ARMC8: variants seen among roughly 807,000 people sequenced by gnomAD.
ARMC8 encodes the protein armadillo repeat-containing protein 8.
In ARMC8, 20 loss-of-function variants were observed where a neutral mutation model predicts 99.3. The observed-to-expected ratio is 0.20, with a 90% confidence interval of 0.14 to 0.29. ARMC8 has a LOEUF of 0.29. ARMC8 is among the 10% of genes least tolerant of loss of function. ARMC8 has a pLI of 1.00. For synonymous variants in ARMC8, 263 were observed against 278.3 expected (o/e 0.95, Z 0.55); for missense variants, 569 against 809.5 (o/e 0.70, Z 3.60).
At chr3:138,292,164 G>A (rs1227770185) in intron 21 of ARMC8, among the ~76,000 whole-genome samples, 3 of 151,970 alleles carry the variant, frequency 2.0e-5, no homozygotes, top group Non-Finnish European at 4.4e-5. Flanking sequence ...CAGCCTCCCA[G>A]GTAGCTGGGA....
At chr3:138,191,601 C>A (rs145883241) in intron 1 of ARMC8, among the ~76,000 whole-genome samples, 1 of 152,096 alleles carries the variant, frequency 6.6e-6, no homozygotes, top group Non-Finnish European at 1.5e-5. Context: ...AGAACTATTC[C>A]GTCACCGCAA....
At chr3:138,268,763 G>C (rs1469865312) in intron 15 of ARMC8, among the ~76,000 whole-genome samples, 2 of 151,858 alleles carry the variant, frequency 1.3e-5, no homozygotes, top group Middle Eastern at 3.2e-3. Flanking sequence ...GCTTCAGAGC[G>C]AGACCCTGTC....
intron 6 of ARMC8, among the ~76,000 whole-genome samples, chr3:138,233,476 G>A (rs1264773955): frequency 6.6e-6 from 1 of 151,996 alleles, no homozygotes; most frequent in African/African-American, 2.4e-5. Context: ...TATACAATGG[G>A]GGTTTGTATG....
intron 12 of ARMC8, chr3:138,262,622 C>T (rs954406315): frequency 1.3e-6 from 2 of 1,547,960 alleles, no homozygotes; most frequent in African/African-American, 1.4e-5. Flanking sequence ...AATTTAGGTG[C>T]CTAGCCCTGA....
At chr3:138,187,792 C>T in intron 1 of ARMC8, 193 bp downstream of exon 1, 4 of 596,748 alleles carry the variant, frequency 6.7e-6, no homozygotes, top group Non-Finnish European at 1.1e-5. Flanking sequence ...GAGCCAAAGA[C>T]GTTTCCAACT....
Position 138,187,549 on chromosome 3 carries a change from C to T in ARMC8, c.-6C>T. 2 of 1,535,880 alleles carry T rather than the reference C, an allele frequency of 1.3e-6. No homozygotes were observed. The highest frequency in any genetic ancestry group is 4.9e-5 in the East Asian group (2 of 40,894). Reference sequence around the variant, plus strand: ...CGCCTGCAGCAGCCGGGTGGGAAGGCTCAAGATGGCGTGCTTGTTGGAGAC... The same window carrying T: ...CGCCTGCAGCAGCCGGGTGGGAAGGTTCAAGATGGCGTGCTTGTTGGAGAC... On this transcript the variant is annotated 5_prime_UTR_variant, in exon 1 of 22. Coordinates refer to ENST00000469044, the MANE Select transcript of ARMC8 (RefSeq NM_001363941.2).
chr3:138,283,408 C>T (rs1027877278), intron 18 of ARMC8, among the ~76,000 whole-genome samples: 13 of 152,320 alleles, frequency 8.5e-5, no homozygotes, highest in Middle Eastern at 3.4e-3. Context: ...TCACTTCCTC[C>T]GGGAAGTTTT....
chr3:138,267,720 A>C (rs1295896084), intron 15 of ARMC8, among the ~76,000 whole-genome samples: 1 of 152,162 alleles, frequency 6.6e-6, no homozygotes, highest in Non-Finnish European at 1.5e-5. Context: ...GCATTTTATA[A>C]AATATTTGAG....
At chr3:138,230,457 T>G (rs1274376437) in intron 6 of ARMC8, among the ~76,000 whole-genome samples, 1 of 151,948 alleles carries the variant, frequency 6.6e-6, no homozygotes, top group Admixed American at 6.6e-5. Flanking sequence ...TTGAGACCAG[T>G]CTGGGCAACA....
chr3:138,204,405 G>A (rs1007564182), intron 1 of ARMC8, among the ~76,000 whole-genome samples: 1 of 152,154 alleles, frequency 6.6e-6, no homozygotes, highest in African/African-American at 2.4e-5. Context: ...TTCCGTCAAT[G>A]AATAAGCATG....
In ARMC8 at chr3:138,261,500, A is replaced by T. The variant is rs374729352; in HGVS notation, c.1135-2239A>T. 2.6e-5 allele frequency: 4 copies of T among 152,292 alleles called. No individual in the cohort carries two copies. In the East Asian group the frequency reaches 7.7e-4, roughly 29 times the overall value. 9.4% of individuals were successfully genotyped at this position (152,292 alleles called of 1,614,324 possible). A position where few individuals can be genotyped will look rare whatever the true frequency, so the allele number is the denominator to read the frequency against. On this transcript the variant is annotated intron_variant, in intron 12 of 21. Transcript: ENST00000469044. ...TAGGCAATCAGAAGTATGGAGCTAGAGGTCAGGAAAGAACTCTAGGACAGA... is the reference window on the plus strand; with the variant it reads ...TAGGCAATCAGAAGTATGGAGCTAGTGGTCAGGAAAGAACTCTAGGACAGA...
chr3:138,237,839 C>G (rs114810708), intron 9 of ARMC8, among the ~76,000 whole-genome samples: 1,930 of 152,126 alleles, frequency 0.013, 41 homozygotes, highest in African/African-American at 0.043. Context: ...AACTACTGTC[C>G]TTCTACTTCA....
At chr3:138,216,877 A>T (rs2045078167) in intron 2 of ARMC8, among the ~76,000 whole-genome samples, 1 of 152,138 alleles carries the variant, frequency 6.6e-6, no homozygotes, top group African/African-American at 2.4e-5. Flanking sequence ...GGTTCAAAAT[A>T]AATAGATATA....
intron 7 of ARMC8, among the ~76,000 whole-genome samples, chr3:138,236,557 G>A (rs1257049975): frequency 6.6e-6 from 1 of 152,092 alleles, no homozygotes; most frequent in Non-Finnish European, 1.5e-5. Flanking sequence ...TGTATTCTAG[G>A]TTCCTCCTGT....
chr3:138,199,932 C>G (rs570649007), intron 1 of ARMC8, among the ~76,000 whole-genome samples: 1 of 152,212 alleles, frequency 6.6e-6, no homozygotes, highest in South Asian at 2.1e-4. Context: ...ATCAGAAAAT[C>G]AAATTTTGGT....
At chr3:138,282,456 G>A (rs1481583199) in intron 18 of ARMC8, among the ~76,000 whole-genome samples, 2 of 152,022 alleles carry the variant, frequency 1.3e-5, no homozygotes, top group Non-Finnish European at 2.9e-5. Flanking sequence ...GACCAGCCTG[G>A]CCAACATGGT....
intron 1 of ARMC8, among the ~76,000 whole-genome samples, chr3:138,194,991 A>G (rs2043631418): frequency 6.6e-6 from 1 of 152,090 alleles, no homozygotes; most frequent in African/African-American, 2.4e-5. Context: ...TCATCAGTAA[A>G]TCGCCAGGTG....
At chr3:138,242,026 TAA>T in intron 11 of ARMC8, 43 bp downstream of exon 11, 1 of 1,564,768 alleles carries the variant, frequency 6.4e-7, no homozygotes, top group Non-Finnish European at 8.8e-7. Flanking sequence ...GAGATTTTTC[TAA>T]AGTTTTTCTT....
chr3:138,280,497 CTTT>C (rs1039909334), intron 18 of ARMC8, among the ~76,000 whole-genome samples: 2 of 107,092 alleles, frequency 1.9e-5, no homozygotes, highest in Admixed American at 9.4e-5. Flanking sequence ...TCTTTTTTTT[CTTT>C]TTTTTTTTTT....
Sources: gnomAD v4.1 joint callset for allele counts (sites outside exome capture counted in the v4.1 genomes callset) on GRCh38, gnomAD v4.1.1 for gene constraint, MANE v1.5 for transcripts, NCBI Gene and HGNC (gene_info 2026-07-23, HGNC 2026-07-21) for gene names.